The following AURKB variants were observed in gnomAD, a reference collection of about 807,000 sequenced individuals.
The protein encoded by AURKB is aurora kinase B-Sv1.
AURKB carries 28 observed loss-of-function variants against 36.5 expected under a neutral mutation model. That is an observed-to-expected ratio of 0.77 (90% confidence interval 0.57 to 1.05). The LOEUF (loss-of-function observed/expected upper bound fraction) is 1.05. Ranked by LOEUF, AURKB falls within the 50% of genes least tolerant of loss-of-function variation. AURKB has a pLI of 0.00. For synonymous variants in AURKB, 175 were observed against 172.9 expected, an observed-to-expected ratio of 1.01 and a Z score of -0.09; for missense variants, 383 against 447.4, an observed-to-expected ratio of 0.86 and a Z score of 1.30.
intron 2 of AURKB, among the ~76,000 whole-genome samples, chr17:8,208,400 G>A (rs1017015597): frequency 1.3e-4 from 20 of 150,824 alleles, no homozygotes; most frequent in African/African-American, 3.9e-4. Flanking sequence ...ACTCCAGCCT[G>A]GGCAACAGAG....
chr17:8,209,009 C>G (rs928942924), intron 2 of AURKB, among the ~76,000 whole-genome samples: 1 of 144,980 alleles, frequency 6.9e-6, no homozygotes, highest in Non-Finnish European at 1.5e-5. Context: ...CCACTTCTCA[C>G]TTTCAACTTC....
In AURKB at chr17:8,205,237, C is replaced by A. The variant is rs921141395; in HGVS notation, c.840G>T (p.Glu280Asp). ...NPPFESASHNETYRRIVKVDL... is the reference protein window; with the variant it reads ...NPPFESASHNDTYRRIVKVDL... ...CCACCTTGACGATGCGGCGATAGGT[C>A]TCGTTGTGTGATGCACTCTCAAAGG... is the stretch of plus-strand genomic sequence containing the variant. Residue 280 changes from glutamate to aspartate, a missense_variant, in exon 8 of 9, where the codon GAG becomes GAT. Glu to Asp is a conservative substitution (Grantham distance 45). Around this residue, in one of 3 missense-constraint regions of AURKB, gnomAD observed 219 missense variants for 252.6 expected, o/e 0.87. Transcript: ENST00000585124. 1 of 1,613,908 alleles carries A rather than the reference C, an allele frequency of 6.2e-7. No homozygotes were observed. Among genetic ancestry groups the A allele is most frequent in the South Asian group, 1.1e-5 (1 of 91,060 alleles).
chr17:8,210,153 C>A (rs766508170), intron 2 of AURKB, 24 bp downstream of exon 2: 65 of 1,612,578 alleles, frequency 4.0e-5, no homozygotes, highest in Non-Finnish European at 5.3e-5. Context: ...CATGGGGGCG[C>A]AGGGACGGAG....
chr17:8,209,431 G>A (rs916746305), intron 2 of AURKB, among the ~76,000 whole-genome samples: 6 of 152,198 alleles, frequency 3.9e-5, no homozygotes, highest in African/African-American at 7.2e-5. Context: ...CATGAGGGAG[G>A]GAGCTGATGT....
chr17:8,205,338 C>T lies in AURKB; in HGVS notation c.739G>A (p.Gly247Arg). Residue 247 changes from glycine to arginine, a missense_variant, in exon 8 of 9, where the codon GGG (glycine) becomes AGG (arginine). Coordinates refer to ENST00000585124, the MANE Select transcript of AURKB (RefSeq NM_004217.4). The part of the protein sequence containing the change: ...LDYLPPEMIE[G>R]RMHNEKVDLW... ...TCCACCTTCTCATTGTGCATGCGCC[C>T]CTCAATCATCTCTGGGGGCAGGTAG... 1 of 1,614,194 alleles carries T rather than the reference C, an allele frequency of 6.2e-7. No homozygotes were observed. The highest frequency in any genetic ancestry group is 8.5e-7 in the Non-Finnish European group (1 of 1,180,036).
Position 8,207,072 on chromosome 17 carries a change from C to T in AURKB, c.398+104G>A, listed in dbSNP as rs919237127. 16 of 1,454,534 alleles carry T rather than the reference C, an allele frequency of 1.1e-5. No individual in the cohort carries two copies. In the African/African-American group the frequency reaches 2.0e-4, roughly 18 times the overall value. The allele number at this position is 1,454,534 out of a possible 1,614,324, so 90.1% of individuals were successfully genotyped here. ...AGGACTAAGAGCTAAATGGGGCTCA[C>T]TAGCCATAGCTACAGAGAAAGCAAT... On this transcript the variant is annotated intron_variant, in intron 5 of 8. Coordinates refer to ENST00000585124, the MANE Select transcript of AURKB (RefSeq NM_004217.4).
chr17:8,210,009 G>A (rs1985892087), intron 2 of AURKB, 168 bp downstream of exon 2: 2 of 856,794 alleles, frequency 2.3e-6, no homozygotes, highest in Admixed American at 4.6e-5. Flanking sequence ...ACAGGATGTG[G>A]CTACAAATGA....
In AURKB at chr17:8,210,112, A is replaced by C. The variant is rs1408457749; in HGVS notation, c.48+65T>G. On this transcript the variant is annotated intron_variant, in intron 2 of 8. Coordinates refer to ENST00000585124, the MANE Select transcript of AURKB (RefSeq NM_004217.4). ...AAGGATTGCTCATTGCAGGATCTCA[A>C]GTTTCCCAGCAGGAACTCGCCATGC... The C allele has an allele frequency of 5.1e-6, 8 of 1,581,800 alleles. No individual in the cohort carries two copies. In the South Asian group the frequency reaches 8.9e-5, roughly 18 times the overall value.
rs956825869 is a variant in AURKB, at chr17:8,210,200, G to A, written c.25C>T (p.Pro9Ser). 1 of 1,611,592 alleles carries A rather than the reference G, an allele frequency of 6.2e-7. No individual in the cohort carries two copies. The highest frequency in any genetic ancestry group is 8.5e-7 in the Non-Finnish European group (1 of 1,179,378). ...ACCGTCTGTCGGCCGTAGGGCCAGG[G>A]GTAGGAGTTCTCCTTCTGGGCCATC... MAQKENSY[P>S]WPYGRQTAPS... is the part of the protein sequence containing the mutation. Residue 9 changes from proline (P) to serine (S), a missense_variant, in exon 2 of 9, where the codon CCC becomes TCC. Pro to Ser is a moderately conservative substitution (Grantham distance 74). Around this residue, in one of 3 missense-constraint regions of AURKB, gnomAD observed 105 missense variants for 95.7 expected, o/e 1.10. Transcript: ENST00000585124.
chr17:8,206,454 G>A lies in AURKB; in HGVS notation c.686+37C>T, dbSNP rs1439799038. 1 of 1,612,652 alleles carries A rather than the reference G, an allele frequency of 6.2e-7. No homozygotes were observed. Among genetic ancestry groups the A allele is most frequent in the Non-Finnish European group, 8.5e-7 (1 of 1,179,498 alleles). ...CCCCTGGAGAGGTTTTAATGGCCCA[G>A]CCTCACACCCAGGTCTGGCCTCCCA... On this transcript the variant is annotated intron_variant, in intron 7 of 8. Transcript: ENST00000585124. This position sits in a 1 kb window ranked among gnomAD's most constrained non-coding sequence, Gnocchi z 4.2.
At chr17:8,207,464 C>A in intron 4 of AURKB, 97 bp from the exon 5 acceptor site, 1 of 1,556,150 alleles carries the variant, frequency 6.4e-7, no homozygotes, top group Non-Finnish European at 8.8e-7. Flanking sequence ...TCCTCCGCCC[C>A]ACTTGTCTTC....
intron 4 of AURKB, 30 bp downstream of exon 4, chr17:8,207,541 C>A: frequency 6.2e-7 from 1 of 1,608,998 alleles, no homozygotes; most frequent in Non-Finnish European, 8.5e-7. Context: ...TCCCCTCACC[C>A]CCGTCCACCC....
rs1278180222 is a variant in AURKB at position 8,210,186 on chromosome 17, G to T, written c.39C>A (p.Gly13=). 6.2e-7 allele frequency: 1 copy of T among 1,612,204 alleles called. No individual in the cohort carries two copies. Residue 13 remains glycine (G), a synonymous_variant, in exon 2 of 9, where the codon GGC becomes GGA. Transcript: ENST00000585124. The part of the protein sequence containing the change: ...QKENSYPWPY[G]RQTAPSGLST... ...GAGGGAAGGGCCTTACCGTCTGTCG[G>T]CCGTAGGGCCAGGGGTAGGAGTTCT...
At chr17:8,209,900 C>T (rs1173185842) in intron 2 of AURKB, 5 of 536,312 alleles carry the variant, frequency 9.3e-6, no homozygotes, top group African/African-American at 2.0e-5. Context: ...CCAGGCCCTG[C>T]CTGCTCAGTC....
At position 8,205,261 on chromosome 17, in the gene AURKB, G is replaced by T. The variant is rs760021180; in HGVS notation, c.816C>A (p.Pro272=). 1.9e-6 allele frequency: 3 copies of T among 1,614,128 alleles called. No individual in the cohort carries two copies. Among genetic ancestry groups the T allele is most frequent in the Non-Finnish European group, 2.5e-6 (3 of 1,180,020 alleles). ...LCYELLVGNP[P]FESASHNETY... Reference sequence around the variant, plus strand: ...TCTCGTTGTGTGATGCACTCTCAAAGGGTGGGTTCCCCACCAGCAGCTCAT... The same window carrying T: ...TCTCGTTGTGTGATGCACTCTCAAATGGTGGGTTCCCCACCAGCAGCTCAT... The change falls in exon 8 of 9, where the codon CCC becomes CCA. Residue 272 remains proline (P), a synonymous_variant. Coordinates refer to ENST00000585124, the MANE Select transcript of AURKB (RefSeq NM_004217.4).
At position 8,207,552 on chromosome 17, in the gene AURKB, C is replaced by T. The variant is rs902859839; in HGVS notation, c.206+19G>A. 3 of 1,611,674 alleles carry T rather than the reference C, an allele frequency of 1.9e-6. No individual in the cohort carries two copies. Among genetic ancestry groups the T allele is most frequent in the Non-Finnish European group, 1.7e-6 (2 of 1,178,270 alleles). On this transcript the variant is annotated intron_variant, in intron 4 of 8. Coordinates refer to ENST00000585124, the MANE Select transcript of AURKB (RefSeq NM_004217.4). ...ATTGTCCCCTCACCCCCGTCCACCCCCAGGCTTGGGGCACTTACGTTAAGA... is the reference window on the plus strand; with the variant it reads ...ATTGTCCCCTCACCCCCGTCCACCCTCAGGCTTGGGGCACTTACGTTAAGA...
At position 8,210,543 on chromosome 17, in the gene AURKB, C is replaced by G. The variant is rs964350838; in HGVS notation, c.-39G>C. The G allele has an allele frequency of 1.2e-5, 5 of 422,212 alleles. No homozygotes were observed. The highest frequency in any genetic ancestry group is 1.7e-5 in the Non-Finnish European group (4 of 235,658). 26.2% of individuals were successfully genotyped at this position (422,212 alleles called of 1,614,324 possible). ...AGGCCAGCTCACCTGGGGTCCAAGGCACTGCTACTCTCCCGGCCGCCCGCA... is the reference window on the plus strand; with the variant it reads ...AGGCCAGCTCACCTGGGGTCCAAGGGACTGCTACTCTCCCGGCCGCCCGCA... On this transcript the variant is annotated 5_prime_UTR_variant, in exon 1 of 9. Transcript: ENST00000585124.
At chr17:8,209,943 G>C in intron 2 of AURKB, 1 of 606,674 alleles carries the variant, frequency 1.6e-6, no homozygotes, top group Non-Finnish European at 2.9e-6. Flanking sequence ...GAGCCCTGCA[G>C]AGGTCCTCAC....
intron 1 of AURKB, 60 bp from the exon 2 acceptor site, chr17:8,210,309 T>A: frequency 4.4e-6 from 5 of 1,135,556 alleles, no homozygotes; most frequent in Non-Finnish European, 5.2e-6. Context: ...GAGGGAGGGG[T>A]TGGACCGATC....
Sources: allele counts gnomAD v4.1 joint callset (sites outside exome capture counted in the v4.1 genomes callset), GRCh38; gene constraint gnomAD v4.1.1; regional missense constraint gnomAD v4.1.1; non-coding constraint Gnocchi (gnomAD v3.1); transcripts MANE v1.5; gene names NCBI Gene and HGNC (gene_info 2026-07-23, HGNC 2026-07-21).